TBC1D8: variants seen among roughly 807,000 people sequenced by gnomAD.
TBC1D8 encodes BUB2-like protein 1.
A neutral mutation model predicts 118.8 loss-of-function variants in TBC1D8; 65 were observed. The ratio of observed to expected loss-of-function variants is 0.55; its 90% CI spans 0.45 to 0.67. TBC1D8 has a LOEUF of 0.67. Ranked by LOEUF, TBC1D8 falls within the 30% of genes least tolerant of loss-of-function variation. The pLI is 0.00. For missense variants in TBC1D8, 1,376 were observed against 1,471.2 expected, an observed-to-expected ratio of 0.94 and a Z score of 1.06; for synonymous variants, 566 against 595.8, an observed-to-expected ratio of 0.95 and a Z score of 0.73.
intron 1 of TBC1D8, among the ~76,000 whole-genome samples, chr2:101,107,969 G>A (rs1677331094): frequency 6.6e-6 from 1 of 151,990 alleles, no homozygotes; most frequent in South Asian, 2.1e-4. Flanking sequence ...TGAGGTAGGA[G>A]GATCACCTGA....
chr2:101,010,607 G>A (rs573385533), intron 19 of TBC1D8, among the ~76,000 whole-genome samples: 36 of 151,770 alleles, frequency 2.4e-4, no homozygotes, highest in African/African-American at 8.0e-4. Context: ...ATTCTCGGTC[G>A]GGCGCGGTGG....
At chr2:101,053,132 G>C (rs1573943073) in intron 4 of TBC1D8, among the ~76,000 whole-genome samples, 1 of 152,332 alleles carries the variant, frequency 6.6e-6, no homozygotes, top group East Asian at 1.9e-4. Flanking sequence ...GAAGGCTTTT[G>C]GATGTGACAA....
chr2:101,019,036 T>C (rs1178170989), intron 17 of TBC1D8: 1 of 1,611,586 alleles, frequency 6.2e-7, no homozygotes. Context: ...CAAGAGCCCA[T>C]AAAGGGAGCC....
At chr2:101,122,802 T>C (rs1678189074) in intron 1 of TBC1D8, among the ~76,000 whole-genome samples, 1 of 152,224 alleles carries the variant, frequency 6.6e-6, no homozygotes, top group African/African-American at 2.4e-5. Flanking sequence ...CTTGCGTTTT[T>C]CAACAGTGTG....
At chr2:101,129,370 T>C (rs977751336) in intron 1 of TBC1D8, among the ~76,000 whole-genome samples, 3 of 152,114 alleles carry the variant, frequency 2.0e-5, no homozygotes, top group Non-Finnish European at 2.9e-5. Context: ...CTCGAACTCC[T>C]GAACTCGGGT....
At chr2:101,127,133 G>A (rs577410584) in intron 1 of TBC1D8, among the ~76,000 whole-genome samples, 2 of 152,152 alleles carry the variant, frequency 1.3e-5, no homozygotes, top group East Asian at 1.9e-4. Flanking sequence ...TCAGGCATTC[G>A]AGACCAGCCT....
chr2:101,054,861 T>C (rs961540024), intron 3 of TBC1D8, among the ~76,000 whole-genome samples: 1 of 151,074 alleles, frequency 6.6e-6, no homozygotes, highest in Non-Finnish European at 1.5e-5. Flanking sequence ...TTTGTATTTT[T>C]AGTAGAGACG....
intron 1 of TBC1D8, among the ~76,000 whole-genome samples, chr2:101,093,579 G>C (rs1168239580): frequency 6.6e-6 from 1 of 151,972 alleles, no homozygotes; most frequent in African/African-American, 2.4e-5. Context: ...ACCAGGTGTG[G>C]TGGTACACGC....
chr2:101,069,249 C>A (rs557237752), intron 2 of TBC1D8, among the ~76,000 whole-genome samples: 1 of 150,758 alleles, frequency 6.6e-6, no homozygotes, highest in Non-Finnish European at 1.5e-5. Flanking sequence ...CCCAAGATCA[C>A]GCCACTGCAC....
At chr2:101,107,409 G>A (rs370604865) in intron 1 of TBC1D8, among the ~76,000 whole-genome samples, 1 of 151,936 alleles carries the variant, frequency 6.6e-6, no homozygotes, top group Non-Finnish European at 1.5e-5. Flanking sequence ...TCTCTCTGTG[G>A]GCAGGCACTA....
Position 101,136,124 on chromosome 2 carries a change from G to C in TBC1D8, c.127+15003C>G, listed in dbSNP as rs996780751. On this transcript the variant is annotated intron_variant, in intron 1 of 19. Transcript: ENST00000409318. The stretch of plus-strand genomic sequence containing the variant: ...CAGCCTCTGCCTCCCAAAGTGCTGA[G>C]ATTACAGCATGAGCCACTGGCCTGG... Among the ~76,000 whole-genome samples the C allele has an allele frequency of 1.8e-4, 28 of 152,266 alleles. No homozygotes were observed. In the East Asian group the frequency reaches 4.4e-3, roughly 24 times the overall value.
In TBC1D8 at chr2:101,117,523, G is replaced by A. The variant is rs1677875682; in HGVS notation, c.128-27159C>T. 2.6e-5 allele frequency among the ~76,000 whole-genome samples: 4 copies of A among 151,728 alleles called. No individual in the cohort carries two copies. The South Asian group carries it at 8.3e-4, about 32-fold the overall frequency. On this transcript the variant is annotated intron_variant, in intron 1 of 19. Coordinates refer to ENST00000409318, the MANE Select transcript of TBC1D8 (RefSeq NM_001330348.2). ...AGTAAAGGGCAGATTCAGCGGGGAGGCACTCATATGTTCAAGGCCTATGAC... is the reference window on the plus strand; with the variant it reads ...AGTAAAGGGCAGATTCAGCGGGGAGACACTCATATGTTCAAGGCCTATGAC...
intron 1 of TBC1D8, among the ~76,000 whole-genome samples, chr2:101,095,358 G>C (rs947682436): frequency 6.7e-6 from 1 of 149,500 alleles, no homozygotes; most frequent in Non-Finnish European, 1.5e-5. Flanking sequence ...CCATTAACTC[G>C]TCATTTAGCA....
intron 15 of TBC1D8, chr2:101,023,591 G>A (rs747286311): frequency 4.7e-6 from 2 of 426,566 alleles, no homozygotes; most frequent in Admixed American, 3.1e-5. Context: ...TCTCAATTCT[G>A]AACCACATGA....
chr2:101,096,153 G>C (rs1353436810), intron 1 of TBC1D8, among the ~76,000 whole-genome samples: 1 of 152,082 alleles, frequency 6.6e-6, no homozygotes, highest in Non-Finnish European at 1.5e-5. Flanking sequence ...CGAACTCCTA[G>C]GCTCAGACAA....
At chr2:101,113,958 G>C (rs947700065) in intron 1 of TBC1D8, among the ~76,000 whole-genome samples, 3 of 152,178 alleles carry the variant, frequency 2.0e-5, no homozygotes, top group Non-Finnish European at 4.4e-5. Context: ...AGCAACTCTT[G>C]TGCAATTCCT....
chr2:101,050,510 C>T lies in TBC1D8; in HGVS notation c.763G>A (p.Val255Met), dbSNP rs1682002586. ...DFSMFLNLDE[V>M]FKVMEQLADV... ...GCCAGCTGCTCCATGACCTTAAACA[C>T]CTCATCCAGGTTCAGGAACATGGAG... Residue 255 changes from valine (V) to methionine (M), a missense_variant, in exon 5 of 20, where the codon GTG becomes ATG. Coordinates refer to ENST00000409318, the MANE Select transcript of TBC1D8 (RefSeq NM_001330348.2). The T allele has an allele frequency of 6.2e-7, 1 of 1,613,984 alleles. No homozygotes were observed. The highest frequency in any genetic ancestry group is 8.5e-7 in the Non-Finnish European group (1 of 1,179,870).
chr2:101,091,903 GT>G (rs751332720), intron 1 of TBC1D8, among the ~76,000 whole-genome samples: 37 of 152,188 alleles, frequency 2.4e-4, no homozygotes, highest in Non-Finnish European at 4.1e-4. Flanking sequence ...CACCTCAAGT[GT>G]AAAGAAAAAC....
At chr2:101,074,124 T>C (rs1674653978) in intron 2 of TBC1D8, among the ~76,000 whole-genome samples, 1 of 152,252 alleles carries the variant, frequency 6.6e-6, no homozygotes, top group Non-Finnish European at 1.5e-5. Context: ...GTGAAAGACA[T>C]ACGACATTTT....
Sources: allele counts gnomAD v4.1 joint callset (sites outside exome capture counted in the v4.1 genomes callset), GRCh38; gene constraint gnomAD v4.1.1; transcripts MANE v1.5; gene names NCBI Gene and HGNC (gene_info 2026-07-23, HGNC 2026-07-21).